The following CAD variants were observed in gnomAD, a reference collection of about 807,000 sequenced individuals.
CAD encodes multifunctional protein CAD.
CAD carries 81 observed loss-of-function variants against 237.2 expected under a neutral mutation model. The observed-to-expected ratio is 0.34, with a 90% CI of 0.29 to 0.41. CAD has a LOEUF of 0.41. Ranked by LOEUF, CAD falls within the 10% of genes least tolerant of loss-of-function variation. The pLI, the probability that CAD is intolerant of heterozygous loss-of-function variation, is 1.00. For missense variants in CAD, 2,181 were observed against 2,951.7 expected (o/e 0.74, Z 6.05); for synonymous variants, 1,196 against 1,162.8 (o/e 1.03, Z -0.58).
chr2:27,242,955 T>C lies in CAD; in HGVS notation c.6462T>C (p.Ser2154=), dbSNP rs1192639302. 5 of 1,601,000 alleles carry C rather than the reference T, an allele frequency of 3.1e-6. No individual in the cohort carries two copies. In the South Asian group the frequency reaches 4.4e-5, roughly 14 times the overall value. The part of the protein sequence containing the change: ...MTRIQKERFG[S]TQEYEACFGQ... Reference sequence around the variant, plus strand: ...GAATCCAGAAGGAACGATTTGGCTCTACCCAGGAGTACGAAGCTGTGAGTG... The same window carrying C: ...GAATCCAGAAGGAACGATTTGGCTCCACCCAGGAGTACGAAGCTGTGAGTG... Residue 2154 remains serine (S), a synonymous_variant, in exon 42 of 44, where the codon TCT becomes TCC. Transcript: ENST00000264705. The surrounding 1 kb of genome is among the most constrained non-coding windows in gnomAD (Gnocchi z 6.4).
intron 8 of CAD, 111 bp from the exon 9 acceptor site, chr2:27,224,234 C>T: frequency 8.3e-7 from 1 of 1,203,288 alleles, no homozygotes; most frequent in Non-Finnish European, 1.2e-6. Context: ...CTCTGCTCCT[C>T]CTGAGGTGCA....
rs746390381 is a variant in CAD at position 27,238,024 on chromosome 2, C to T, written c.4729-32C>T. 4 of 1,612,002 alleles carry T rather than the reference C, an allele frequency of 2.5e-6. No individual in the cohort carries two copies. The South Asian group carries it at 3.3e-5, about 13-fold the overall frequency. On this transcript the variant is annotated intron_variant, in intron 29 of 43. Transcript: ENST00000264705. Reference sequence around the variant, plus strand: ...CTGATGAGCACAGTCAGAGATTCTGCACACTCCTTCATCAGTTCTTTCTGC... The same window carrying T: ...CTGATGAGCACAGTCAGAGATTCTGTACACTCCTTCATCAGTTCTTTCTGC...
rs1281485750 is a variant in CAD, at chr2:27,236,728, C to G, written c.4315-21C>G. The stretch of plus-strand genomic sequence containing the variant: ...TCCCAGGATCACCCTTCCCTTAAAG[C>G]TGACTGCTTTCCACTTGCAGGCCCT... On this transcript the variant is annotated intron_variant, in intron 26 of 43. Coordinates refer to ENST00000264705, the MANE Select transcript of CAD (RefSeq NM_004341.5). The surrounding 1 kb of genome is among the most constrained non-coding windows in gnomAD (Gnocchi z 4.1). The G allele has an allele frequency of 6.2e-7, 1 of 1,612,266 alleles. No homozygotes were observed. The highest frequency in any genetic ancestry group is 1.1e-5 in the South Asian group (1 of 91,056).
chr2:27,226,882 G>A lies in CAD; in HGVS notation c.2207G>A (p.Cys736Tyr). ...GCCTTTGAACCCAGCGTGGATTATTGTGTGGTGAAGATTCCTCGATGGGAC... is the reference window on the plus strand; with the variant it reads ...GCCTTTGAACCCAGCGTGGATTATTATGTGGTGAAGATTCCTCGATGGGAC... ...TAAFEPSVDY[C>Y]VVKIPRWDLS... Residue 736 changes from cysteine (C) to tyrosine (Y), a missense_variant, in exon 15 of 44, where the codon TGT becomes TAT. Cys to Tyr is a radical substitution (Grantham distance 194, BLOSUM62 -2). Around this residue, in one of 12 missense-constraint regions of CAD, gnomAD observed 385 missense variants for 535.1 expected, o/e 0.72. Transcript: ENST00000264705. 1 of 1,614,186 alleles carries A rather than the reference G, an allele frequency of 6.2e-7. No individual in the cohort carries two copies. Among genetic ancestry groups the A allele is most frequent in the Non-Finnish European group, 8.5e-7 (1 of 1,180,008 alleles).
chr2:27,222,401 G>C, intron 4 of CAD, 65 bp downstream of exon 4: 5 of 1,582,172 alleles, frequency 3.2e-6, no homozygotes, highest in Non-Finnish European at 4.3e-6. Context: ...GCCCACAATT[G>C]GGGGGTGAAC....
In CAD at chr2:27,217,564, G is replaced by A. The variant is rs1674925279; in HGVS notation, c.13G>A (p.Val5Met). ...GAGCTCCCTTCCCATGGCGGCCCTA[G>A]TGTTGGAGGACGGGTCGGTCCTGCG... MAAL[V>M]LEDGSVLRGQ... The change falls in exon 1 of 44, where the codon GTG (valine) becomes ATG (methionine). Residue 5 changes from valine to methionine, a missense_variant. Physicochemically the swap from Val to Met is conservative, Grantham distance 21. Transcript: ENST00000264705. The A allele has an allele frequency of 6.2e-7, 1 of 1,607,290 alleles. No individual in the cohort carries two copies. The highest frequency in any genetic ancestry group is 8.5e-7 in the Non-Finnish European group (1 of 1,177,362).
At position 27,226,174 on chromosome 2, in the gene CAD, G is replaced by C. The variant is rs1675437635; in HGVS notation, c.1886G>C (p.Gly629Ala). The part of the protein sequence containing the change: ...ENLDPLGIHT[G>A]ESIVVAPSQT... ...TTGGACCCACTGGGCATCCACACTG[G>C]TGAGTCCATAGTGGTGGCCCCTAGC... The change falls in exon 13 of 44, where the codon GGT (glycine) becomes GCT (alanine). Residue 629 changes from glycine to alanine, a missense_variant. Gly to Ala is a moderately conservative substitution (Grantham distance 60, BLOSUM62 0). This residue lies in a region of CAD where 385 missense variants were observed against 535.1 expected (regional missense o/e 0.72). Coordinates refer to ENST00000264705, the MANE Select transcript of CAD (RefSeq NM_004341.5). 6.2e-7 allele frequency: 1 copy of C among 1,614,202 alleles called. No homozygotes were observed. The highest frequency in any genetic ancestry group is 2.2e-5 in the East Asian group (1 of 44,882).
In CAD at chr2:27,236,938, A is replaced by G; in HGVS notation, c.4396+108A>G. ...GGGCCCACTCTTTGTCCTGGACTGCACAGACTGTGAAGACCCCAGAATGTT... is the reference window on the plus strand; with the variant it reads ...GGGCCCACTCTTTGTCCTGGACTGCGCAGACTGTGAAGACCCCAGAATGTT... On this transcript the variant is annotated intron_variant, in intron 27 of 43. Coordinates refer to ENST00000264705, the MANE Select transcript of CAD (RefSeq NM_004341.5). This position sits in a 1 kb window ranked among gnomAD's most constrained non-coding sequence, Gnocchi z 4.1. 1.1e-6 allele frequency: 1 copy of G among 887,746 alleles called. No homozygotes were observed. Among genetic ancestry groups the G allele is most frequent in the Admixed American group, 1.7e-5 (1 of 57,428 alleles). The allele number at this position is 887,746 out of a possible 1,614,324, so 55.0% of individuals were successfully genotyped here. A position where few individuals can be genotyped will look rare whatever the true frequency, so the allele number is the denominator to read the frequency against.
At chr2:27,238,867 G>A (rs975883129) in intron 31 of CAD, among the ~76,000 whole-genome samples, 175 bp from the exon 32 acceptor site, 1 of 152,228 alleles carries the variant, frequency 6.6e-6, no homozygotes, top group African/African-American at 2.4e-5. Flanking sequence ...GTAAAAGTGT[G>A]GGCTCCAGAA....
chr2:27,242,599 G>C lies in CAD; in HGVS notation c.6223-21G>C, dbSNP rs751417155. 4 of 1,579,836 alleles carry C rather than the reference G, an allele frequency of 2.5e-6. No homozygotes were observed. The highest frequency in any genetic ancestry group is 3.5e-6 in the Non-Finnish European group (4 of 1,158,732). ...GGGCACTCAGTCTGGGATCCCTGTG[G>C]TGACTGGATTCCTCTCCTAGATCAC... On this transcript the variant is annotated intron_variant, in intron 40 of 43. Coordinates refer to ENST00000264705, the MANE Select transcript of CAD (RefSeq NM_004341.5). This position sits in a 1 kb window ranked among gnomAD's most constrained non-coding sequence, Gnocchi z 6.4.
rs1040954872 is a variant in CAD at position 27,239,609 on chromosome 2, A to G, written c.5395-88A>G. 8 of 1,483,640 alleles carry G rather than the reference A, an allele frequency of 5.4e-6. No individual in the cohort carries two copies. The highest frequency in any genetic ancestry group is 7.4e-6 in the Non-Finnish European group (8 of 1,080,870). The allele number at this position is 1,483,640 out of a possible 1,614,324, so 91.9% of individuals were successfully genotyped here. Reference sequence around the variant, plus strand: ...CAGGGGTTGGGGGCACAGCTCCCCCAAGGTGCTTTTTGTCCTTGCTGACAT... The same window carrying G: ...CAGGGGTTGGGGGCACAGCTCCCCCGAGGTGCTTTTTGTCCTTGCTGACAT... On this transcript the variant is annotated intron_variant, in intron 33 of 43. Transcript: ENST00000264705. This position sits in a 1 kb window ranked among gnomAD's most constrained non-coding sequence, Gnocchi z 4.0.
rs1340375286 is a variant in CAD, at chr2:27,217,429, T to G, written c.-123T>G. ...CCTACGCTGCCGCGCCCGGCTTCTC[T>G]CCAGCGCCCCGCGCCGTTAGCCACG... On this transcript the variant is annotated 5_prime_UTR_variant, in exon 1 of 44. Coordinates refer to ENST00000264705, the MANE Select transcript of CAD (RefSeq NM_004341.5). The G allele has an allele frequency of 1.2e-6, 1 of 867,122 alleles. No individual in the cohort carries two copies. Among genetic ancestry groups the G allele is most frequent in the Non-Finnish European group, 1.9e-6 (1 of 528,882 alleles). 53.7% of individuals were successfully genotyped at this position (867,122 alleles called of 1,614,324 possible). A position where few individuals can be genotyped will look rare whatever the true frequency, so the allele number is the denominator to read the frequency against.
intron 15 of CAD, chr2:27,227,515 G>T (rs1675496258): frequency 1.3e-5 from 2 of 152,568 alleles, no homozygotes; most frequent in African/African-American, 4.8e-5. Flanking sequence ...TCCATTTAGA[G>T]CAGTAGTGGC....
At chr2:27,229,153 CGT>C (rs1177857961) in intron 15 of CAD, among the ~76,000 whole-genome samples, 2 of 150,962 alleles carry the variant, frequency 1.3e-5, no homozygotes, top group African/African-American at 2.4e-5. Flanking sequence ...CTCTTAACCT[CGT>C]GATCCGCCTG....
chr2:27,221,753 A>ATTT (rs57429918), intron 3 of CAD, among the ~76,000 whole-genome samples: 35 of 103,508 alleles, frequency 3.4e-4, no homozygotes, highest in African/African-American at 1.3e-3. Flanking sequence ...AAATTTCCCA[A>ATTT]TTTTTTTTTT....
Position 27,233,927 on chromosome 2 carries a change from C to T in CAD, c.3400-81C>T. 1 of 1,541,066 alleles carries T rather than the reference C, an allele frequency of 6.5e-7. No homozygotes were observed. On this transcript the variant is annotated intron_variant, in intron 21 of 43. Coordinates refer to ENST00000264705, the MANE Select transcript of CAD (RefSeq NM_004341.5). The surrounding 1 kb of genome is among the most constrained non-coding windows in gnomAD (Gnocchi z 6.3). ...GCTGGGAACAGTGGGCTATGTGGGG[C>T]TCGTTAAAGGAAGAGACAATCCTAG... is the stretch of plus-strand genomic sequence containing the variant.
At position 27,217,960 on chromosome 2, in the gene CAD, C is replaced by G. The variant is rs1339647293; in HGVS notation, c.166C>G (p.Leu56Val). Residue 56 changes from leucine to valine, a missense_variant, in exon 2 of 44, where the codon CTG becomes GTG. This residue lies in a region of CAD where 314 missense variants were observed against 339.4 expected (regional missense o/e 0.93). Coordinates refer to ENST00000264705, the MANE Select transcript of CAD (RefSeq NM_004341.5). ...KAQILVLTYP[L>V]IGNYGIPPDE... ...ACAGATCTTAGTGCTCACCTATCCT[C>G]TGATCGGCAACTATGGCATCCCCCC... The G allele has an allele frequency of 1.1e-5, 17 of 1,613,002 alleles. No individual in the cohort carries two copies. The highest frequency in any genetic ancestry group is 2.2e-5 in the East Asian group (1 of 44,746).
chr2:27,231,631 C>T (rs1300383058), intron 16 of CAD, 51 bp downstream of exon 16: 1 of 1,099,840 alleles, frequency 9.1e-7, no homozygotes, highest in South Asian at 1.3e-5. Context: ...CCCTGCTTCT[C>T]ATCGCCCCCA....
At position 27,239,211 on chromosome 2, in the gene CAD, G is replaced by T. The variant is rs61754190; in HGVS notation, c.5232G>T (p.Pro1744=). 11 of 1,607,288 alleles carry T rather than the reference G, an allele frequency of 6.8e-6. No homozygotes were observed. The highest frequency in any genetic ancestry group is 2.2e-5 in the East Asian group (1 of 44,816). ...HNPRRIFHLP[P]QEDTYVEVDL... Reference sequence around the variant, plus strand: ...CTCGGCGCATCTTTCACCTGCCCCCGCAGGAGGACACCTATGTGGAGGTGT... The same window carrying T: ...CTCGGCGCATCTTTCACCTGCCCCCTCAGGAGGACACCTATGTGGAGGTGT... Residue 1744 remains proline (P), a synonymous_variant, in exon 32 of 44, where the codon CCG becomes CCT. Transcript: ENST00000264705. This position sits in a 1 kb window ranked among gnomAD's most constrained non-coding sequence, Gnocchi z 4.0.
Sources: allele counts gnomAD v4.1 joint callset (sites outside exome capture counted in the v4.1 genomes callset), GRCh38; gene constraint gnomAD v4.1.1; regional missense constraint gnomAD v4.1.1; non-coding constraint Gnocchi (gnomAD v3.1); transcripts MANE v1.5; gene names NCBI Gene and HGNC (gene_info 2026-07-23, HGNC 2026-07-21).